LMO7: variants seen among roughly 807,000 people sequenced by gnomAD.
LMO7 encodes LIM domain 7.
Under a neutral mutation model 206.5 loss-of-function variants are expected in LMO7, and 120 were observed. That is an observed-to-expected ratio of 0.58 (90% CI 0.50 to 0.68). The LOEUF (loss-of-function observed/expected upper bound fraction) is 0.68. Among genes scored for constraint, LMO7 ranks in the 30% least tolerant of loss-of-function variants. LMO7 has a pLI of 0.00. For synonymous variants in LMO7, 706 were observed against 681.5 expected (o/e 1.04, Z -0.56); for missense variants, 1,959 against 1,957.9 (o/e 1.00, Z -0.01).
At position 75,834,263 on chromosome 13, in the gene LMO7, T is replaced by C. The variant is rs146208972; in HGVS notation, c.3102T>C (p.Asp1034=). The change falls in exon 17 of 31, where the codon GAT becomes GAC. Residue 1034 remains aspartate (D), a synonymous_variant. Transcript: ENST00000377534. ...AATTTTCTCAGCTACAAGTAGATGATGAAATTATTGCTATTAACAACACCA... is the reference window on the plus strand; with the variant it reads ...AATTTTCTCAGCTACAAGTAGATGACGAAATTATTGCTATTAACAACACCA... ...PAEFSQLQVD[D]EIIAINNTKF... is the part of the protein sequence containing the mutation. 22 of 1,608,564 alleles carry C rather than the reference T, an allele frequency of 1.4e-5. No homozygotes were observed. The highest frequency in any genetic ancestry group is 1.7e-5 in the Admixed American group (1 of 59,222).
rs754395327 is a variant in LMO7, at chr13:75,834,367, T to C, written c.3206T>C (p.Val1069Ala). ...AQETGHLVMD[V>A]RRYGKAGSPE... ...GAAACTGGACACCTAGTGATGGATG[T>C]GAGGCGCTATGGAAAGGCTGGTGAG... Residue 1069 changes from valine to alanine, a missense_variant, in exon 17 of 31, where the codon GTG becomes GCG. Val to Ala is a moderately conservative substitution (Grantham distance 64). Transcript: ENST00000377534. 6.2e-7 allele frequency: 1 copy of C among 1,602,466 alleles called. No homozygotes were observed. Among genetic ancestry groups the C allele is most frequent in the Admixed American group, 1.7e-5 (1 of 58,344 alleles).
rs774821080 is a variant in LMO7 at position 75,800,735 on chromosome 13, G to A, written c.514G>A (p.Gly172Ser). The A allele has an allele frequency of 4.3e-6, 7 of 1,614,072 alleles. No homozygotes were observed. Among genetic ancestry groups the A allele is most frequent in the South Asian group, 2.2e-5 (2 of 91,084 alleles). Residue 172 changes from glycine (G) to serine (S), a missense_variant, in exon 7 of 31, where the codon GGT becomes AGT. Coordinates refer to ENST00000377534, the MANE Select transcript of LMO7 (RefSeq NM_001306080.2). ...LKRSGRDSGYGDIWCPERGEF... is the reference protein window; with the variant it reads ...LKRSGRDSGYSDIWCPERGEF... ...AAGAAGTGGCAGGGACAGTGGCTAC[G>A]GTGACATCTGGTGTCCTGAACGTGG...
chr13:75,701,820 C>T (rs887217267), intron 1 of LMO7, among the ~76,000 whole-genome samples: 4 of 152,114 alleles, frequency 2.6e-5, no homozygotes, highest in African/African-American at 9.7e-5. Flanking sequence ...AAAACTAGCA[C>T]ATTTTGTATG....
intron 26 of LMO7, among the ~76,000 whole-genome samples, chr13:75,847,997 C>A (rs1021747133): frequency 6.6e-6 from 1 of 152,104 alleles, no homozygotes; most frequent in Non-Finnish European, 1.5e-5. Context: ...ATTTCAAATA[C>A]ACTTTATTTA....
At chr13:75,639,071 A>T (rs2036255899) in intron 1 of LMO7, among the ~76,000 whole-genome samples, 1 of 152,176 alleles carries the variant, frequency 6.6e-6, no homozygotes, top group Non-Finnish European at 1.5e-5. Context: ...TGAATACCCC[A>T]AAGTCAACTC....
At chr13:75,674,911 C>T (rs980289573) in intron 1 of LMO7, among the ~76,000 whole-genome samples, 1 of 152,128 alleles carries the variant, frequency 6.6e-6, no homozygotes, top group African/African-American at 2.4e-5. Context: ...AAAGAAAATA[C>T]AAGTGATATC....
intron 1 of LMO7, among the ~76,000 whole-genome samples, chr13:75,704,749 G>A (rs550556741): frequency 2.0e-5 from 3 of 152,276 alleles, no homozygotes; most frequent in East Asian, 1.9e-4. Context: ...TGGATTATGC[G>A]ATCAGAACTG....
exon 1 of LMO7, chr13:75,621,689 C>T (rs1168876107): frequency 6.4e-7 from 1 of 1,563,310 alleles, no homozygotes; most frequent in Non-Finnish European, 8.7e-7. Flanking sequence ...TTTATTACAA[C>T]TGCTATGAAG....
At chr13:75,815,097 T>A (rs746419990) in intron 11 of LMO7, among the ~76,000 whole-genome samples, 1 of 152,120 alleles carries the variant, frequency 6.6e-6, no homozygotes, top group Admixed American at 6.5e-5. Context: ...AAAGGAACTC[T>A]CTGGCTGCTG....
chr13:75,639,926 G>A (rs34512564), intron 1 of LMO7, among the ~76,000 whole-genome samples: 28,848 of 152,088 alleles, frequency 0.19, 3,502 homozygotes, highest in Admixed American at 0.35. Flanking sequence ...GCCAACCTGA[G>A]CTCATTGCCA....
At chr13:75,853,057 T>C (rs772124016) in intron 27 of LMO7, 35 bp from the exon 28 acceptor site, 1 of 1,500,870 alleles carries the variant, frequency 6.7e-7, no homozygotes, top group Non-Finnish European at 9.0e-7. Flanking sequence ...GTTGAACATG[T>C]CACATTATTT....
intron 11 of LMO7, among the ~76,000 whole-genome samples, chr13:75,809,795 T>C (rs2056070375): frequency 6.6e-6 from 1 of 152,070 alleles, no homozygotes; most frequent in Non-Finnish European, 1.5e-5. Flanking sequence ...CAAAAATATT[T>C]TTAATTTCTA....
chr13:75,749,831 C>T (rs2047131581), intron 3 of LMO7, among the ~76,000 whole-genome samples: 3 of 151,506 alleles, frequency 2.0e-5, no homozygotes, highest in Admixed American at 2.0e-4. Flanking sequence ...CTCACCCCCA[C>T]CTTTTTTTTT....
chr13:75,641,669 T>G (rs1594001420), intron 1 of LMO7, among the ~76,000 whole-genome samples: 1 of 152,328 alleles, frequency 6.6e-6, no homozygotes, highest in East Asian at 1.9e-4. Flanking sequence ...TACTTTTGTT[T>G]TCTGAGACAG....
chr13:75,626,575 T>TAC (rs2034132557), intron 2 of LMO7, among the ~76,000 whole-genome samples: 1 of 80,934 alleles, frequency 1.2e-5, no homozygotes, highest in Non-Finnish European at 2.8e-5. Flanking sequence ...TTAACATATA[T>TAC]ATTATATATA....
chr13:75,817,430 A>G (rs750229441), intron 12 of LMO7, 152 bp downstream of exon 12: 78 of 518,050 alleles, frequency 1.5e-4, no homozygotes, highest in Admixed American at 2.9e-4. Context: ...AAGATTTTTA[A>G]ACCTTTTTTT....
At chr13:75,776,776 T>G (rs1246075838) in intron 4 of LMO7, among the ~76,000 whole-genome samples, 1 of 152,208 alleles carries the variant, frequency 6.6e-6, no homozygotes, top group Non-Finnish European at 1.5e-5. Context: ...CACTGTTTTA[T>G]TTGAACTTAC....
In LMO7 at chr13:75,797,431, A is replaced by T. The variant is rs369098123; in HGVS notation, c.462+682A>T. On this transcript the variant is annotated intron_variant, in intron 6 of 30. Coordinates refer to ENST00000377534, the MANE Select transcript of LMO7 (RefSeq NM_001306080.2). ...CCAAATCTTCATTTATAAGATCCACATGGGAAAAACGAATTTCTCTGGGTA... is the reference window on the plus strand; with the variant it reads ...CCAAATCTTCATTTATAAGATCCACTTGGGAAAAACGAATTTCTCTGGGTA... Among the ~76,000 whole-genome samples, 2 of 152,182 alleles carry T rather than the reference A, an allele frequency of 1.3e-5. 1 individual carries two copies. The highest frequency in any genetic ancestry group is 4.8e-5 in the African/African-American group (2 of 41,448).
chr13:75,808,299 G>A (rs1013241420), intron 10 of LMO7, 100 bp downstream of exon 10: 2 of 1,330,364 alleles, frequency 1.5e-6, no homozygotes, highest in Non-Finnish European at 1.0e-6. Context: ...AACTCTGCAT[G>A]TCGCGTGCCA....
Sources: allele counts gnomAD v4.1 joint callset (sites outside exome capture counted in the v4.1 genomes callset), GRCh38; gene constraint gnomAD v4.1.1; transcripts MANE v1.5; gene names NCBI Gene and HGNC (gene_info 2026-07-23, HGNC 2026-07-21).